Variants in MAF observed in about 807,000 individuals in gnomAD.
MAF encodes transcription factor Maf.
MAF carries 10 observed loss-of-function variants against 22.0 expected under a neutral mutation model. The observed-to-expected ratio is 0.45, with a 90% CI of 0.28 to 0.77. MAF has a LOEUF of 0.77. Among genes scored for constraint, MAF ranks in the 30% least tolerant of loss-of-function variants. MAF has a pLI of 0.12. For missense variants in MAF, 544 were observed against 548.4 expected (o/e 0.99, Z 0.08); for synonymous variants, 337 against 255.8 (o/e 1.32, Z -3.03).
At chr16:79,244,911 C>T in the MAF span, among the ~76,000 whole-genome samples, 7 of 151,986 alleles carry the variant, frequency 4.6e-5, no homozygotes, top group East Asian at 1.4e-3. Flanking sequence ...GAAATAATAC[C>T]ACACCTCTAC....
the MAF span, among the ~76,000 whole-genome samples, chr16:79,404,803 A>T: frequency 1.3e-5 from 2 of 152,158 alleles, no homozygotes; most frequent in African/African-American, 2.4e-5. Context: ...TTTCAGCGCC[A>T]CTGAGGGGTG....
At chr16:79,353,586 T>C in the MAF span, among the ~76,000 whole-genome samples, 2 of 152,092 alleles carry the variant, frequency 1.3e-5, no homozygotes, top group Admixed American at 6.5e-5. Flanking sequence ...GCATAGCACC[T>C]GTTGTATATC....
At chr16:79,322,053 G>A in the MAF span, among the ~76,000 whole-genome samples, 1 of 152,108 alleles carries the variant, frequency 6.6e-6, no homozygotes, top group African/African-American at 2.4e-5. Flanking sequence ...GCAACACGGC[G>A]AAACGCCATC....
the MAF span, among the ~76,000 whole-genome samples, chr16:79,509,995 G>T: frequency 1.3e-5 from 2 of 152,162 alleles, no homozygotes; most frequent in Admixed American, 1.3e-4. Context: ...AGGAAGCAGG[G>T]ACTCTTCCTA....
the MAF span, among the ~76,000 whole-genome samples, chr16:79,408,878 C>T: frequency 6.6e-6 from 1 of 152,018 alleles, no homozygotes; most frequent in East Asian, 1.9e-4. Context: ...ATAAGAAGCA[C>T]TTCTCACATT....
chr16:79,447,701 T>C, the MAF span, among the ~76,000 whole-genome samples: 1 of 151,948 alleles, frequency 6.6e-6, no homozygotes, highest in Non-Finnish European at 1.5e-5. Context: ...TTGATTCTAA[T>C]TCTCATGAAC....
At chr16:79,463,098 G>A in the MAF span, among the ~76,000 whole-genome samples, 2 of 152,154 alleles carry the variant, frequency 1.3e-5, no homozygotes, top group Non-Finnish European at 2.9e-5. Context: ...AAACCCAGCC[G>A]AGGCAGAAGG....
chr16:79,220,902 G>A, the MAF span, among the ~76,000 whole-genome samples: 1 of 152,182 alleles, frequency 6.6e-6, no homozygotes, highest in Admixed American at 6.5e-5. Context: ...ATGCAGCACT[G>A]TTAACCTTAC....
At chr16:79,374,221 A>C in the MAF span, among the ~76,000 whole-genome samples, 1 of 152,248 alleles carries the variant, frequency 6.6e-6, no homozygotes, top group South Asian at 2.1e-4. Context: ...TCCATCAATT[A>C]TTATCATATC....
chr16:79,211,458 G>A, the MAF span: 1 of 947,424 alleles, frequency 1.1e-6, no homozygotes, highest in South Asian at 1.4e-5. Flanking sequence ...ACAGTCATGT[G>A]CTTTCAGCCC....
At chr16:79,549,390 G>T in the MAF span, among the ~76,000 whole-genome samples, 3 of 152,316 alleles carry the variant, frequency 2.0e-5, no homozygotes, top group South Asian at 4.1e-4. Context: ...AGAACACCCT[G>T]CAGCACAGCC....
the MAF span, among the ~76,000 whole-genome samples, chr16:79,420,068 T>C: frequency 6.6e-6 from 1 of 151,954 alleles, no homozygotes; most frequent in Non-Finnish European, 1.5e-5. Flanking sequence ...GTAAACATAC[T>C]GCAAAAGTGA....
At chr16:79,383,585 C>T in the MAF span, among the ~76,000 whole-genome samples, 17 of 152,266 alleles carry the variant, frequency 1.1e-4, no homozygotes, top group African/African-American at 3.9e-4. Flanking sequence ...AGCCATGTGA[C>T]GCCAGGCCTC....
the MAF span, among the ~76,000 whole-genome samples, chr16:79,463,602 G>A: frequency 1.2e-3 from 178 of 152,256 alleles, 1 homozygote; most frequent in Non-Finnish European, 2.1e-3. Context: ...GACTAAGTTT[G>A]GCATCCAGTC....
the MAF span, among the ~76,000 whole-genome samples, chr16:79,411,973 G>T: frequency 6.6e-6 from 1 of 152,258 alleles, no homozygotes; most frequent in East Asian, 1.9e-4. Context: ...TGGCAGTAGT[G>T]TTGCTGTTGT....
chr16:79,489,860 G>C, the MAF span, among the ~76,000 whole-genome samples: 1 of 152,146 alleles, frequency 6.6e-6, no homozygotes, highest in Non-Finnish European at 1.5e-5. Context: ...GGTGACTCTG[G>C]GCAGGTTGGA....
At chr16:79,447,409 A>T in the MAF span, among the ~76,000 whole-genome samples, 1 of 152,080 alleles carries the variant, frequency 6.6e-6, no homozygotes, top group African/African-American at 2.4e-5. Context: ...AAGAGCTCTG[A>T]TGGAGATGTA....
At chr16:79,560,005 A>G in the MAF span, among the ~76,000 whole-genome samples, 6 of 152,292 alleles carry the variant, frequency 3.9e-5, no homozygotes, top group African/African-American at 1.4e-4. Context: ...CTGGGGCTCA[A>G]GCAATCCTCC....
chr16:79,543,497 C>T, the MAF span, among the ~76,000 whole-genome samples: 7 of 152,266 alleles, frequency 4.6e-5, 1 homozygote, highest in South Asian at 4.1e-4. Flanking sequence ...CTCAAGATGG[C>T]GGGCAGTCCC....
Sources: allele counts gnomAD v4.1 joint callset (sites outside exome capture counted in the v4.1 genomes callset), GRCh38; gene constraint gnomAD v4.1.1; transcripts MANE v1.5; gene names NCBI Gene and HGNC (gene_info 2026-07-23, HGNC 2026-07-21).